The following STAG3 variants were observed in gnomAD, a reference collection of about 807,000 sequenced individuals.
STAG3 encodes STAG3 cohesin complex component, also known as cohesin subunit SA-3.
STAG3 carries 101 observed loss-of-function variants against 160.7 expected under a neutral mutation model. The observed-to-expected ratio is 0.63, with a 90% confidence interval of 0.54 to 0.74. The LOEUF (loss-of-function observed/expected upper bound fraction) is 0.74, where lower values mean the gene tolerates loss of function less well. Ranked by LOEUF, STAG3 falls within the 30% of genes least tolerant of loss-of-function variation. The probability of loss-of-function intolerance (pLI) is 0.00; values close to 1 mark genes in which losing one functional copy is unlikely to be tolerated. For missense variants in STAG3, 1,188 were observed against 1,517.4 expected (o/e 0.78, Z 3.61); for synonymous variants, 519 against 585.0 (o/e 0.89, Z 1.63).
chr7:100,205,181 A>C (rs1453355846), intron 28 of STAG3, 46 bp from the exon 29 acceptor site: 11 of 1,613,322 alleles, frequency 6.8e-6, no homozygotes, highest in Non-Finnish European at 9.3e-6. Flanking sequence ...GGGCCTGCTG[A>C]GGGCCCAGTA....
chr7:100,203,948 A>T, intron 25 of STAG3, 73 bp from the exon 26 acceptor site: 1 of 953,604 alleles, frequency 1.0e-6, no homozygotes, highest in Non-Finnish European at 1.7e-6. Flanking sequence ...AGACATGATT[A>T]GGGATGTGAA....
intron 21 of STAG3, 87 bp from the exon 22 acceptor site, chr7:100,201,699 T>C: frequency 8.8e-7 from 1 of 1,141,830 alleles, no homozygotes; most frequent in South Asian, 1.3e-5. Flanking sequence ...TTACTCATTT[T>C]CTCTCCTCTT....
chr7:100,214,020 A>C lies in STAG3; in HGVS notation c.*5A>C, dbSNP rs373835419. ...TTCTCATTATAGGATTTCTGACAGG[A>C]CTCTGGGCCCCTCCCCAGCTCCACT... On this transcript the variant is annotated 3_prime_UTR_variant, in exon 34 of 34. Coordinates refer to ENST00000615138, the MANE Select transcript of STAG3 (RefSeq NM_001282717.2). 14 of 1,613,646 alleles carry C rather than the reference A, an allele frequency of 8.7e-6. No individual in the cohort carries two copies. In the African/African-American group the frequency reaches 1.9e-4, roughly 22 times the overall value.
At chr7:100,216,287 T>C (rs1045936554), downstream of STAG3, among the ~76,000 whole-genome samples, 6 of 152,044 alleles carry the variant, frequency 3.9e-5, no homozygotes, top group Admixed American at 3.9e-4. Flanking sequence ...TTTTGGACAT[T>C]TGTATCAGTT....
chr7:100,216,186 C>T (rs1802734156), downstream of STAG3, among the ~76,000 whole-genome samples: 1 of 152,148 alleles, frequency 6.6e-6, no homozygotes, highest in Non-Finnish European at 1.5e-5. Flanking sequence ...AGCCCATGAG[C>T]ATAGTAAGAT....
At chr7:100,208,765 C>G (rs549104877) in intron 29 of STAG3, among the ~76,000 whole-genome samples, 13 of 152,218 alleles carry the variant, frequency 8.5e-5, no homozygotes, top group Non-Finnish European at 1.2e-4. Context: ...ACATCTCTTT[C>G]TTTAGAGAGT....
At chr7:100,182,010 CAG>C in intron 2 of STAG3, 78 bp from the exon 3 acceptor site, 1 of 1,026,026 alleles carries the variant, frequency 9.7e-7, no homozygotes, top group Non-Finnish European at 1.5e-6. Flanking sequence ...CGGTGAGAGA[CAG>C]AGAAACCATA....
rs1314524763 is a variant in STAG3 at position 100,200,016 on chromosome 7, A to G, written c.1678-220A>G. ...GGGAGGTGGAGCTTGCAGTGAGCCA[A>G]GATCACGCCACTGCACTCCAGCCTG... On this transcript the variant is annotated intron_variant, in intron 16 of 33. Coordinates refer to ENST00000615138, the MANE Select transcript of STAG3 (RefSeq NM_001282717.2). 52 of 477,338 alleles carry G rather than the reference A, an allele frequency of 1.1e-4. 1 individual carries two copies. The South Asian group carries it at 1.4e-3, about 13-fold the overall frequency. The allele number at this position is 477,338 out of a possible 1,614,324, so 29.6% of individuals were successfully genotyped here.
At chr7:100,215,205 C>T (rs1646734523), downstream of STAG3, 1 of 152,210 alleles carries the variant, frequency 6.6e-6, no homozygotes, top group African/African-American at 2.4e-5. Context: ...TCATGGGCAC[C>T]TGCTTTAGTG....
chr7:100,217,059 C>T (rs1802819153), downstream of STAG3, among the ~76,000 whole-genome samples: 1 of 151,230 alleles, frequency 6.6e-6, no homozygotes, highest in African/African-American at 2.5e-5. Flanking sequence ...GGGGGTTTGC[C>T]TCTCTTCCCT....
intron 2 of STAG3, 52 bp downstream of exon 2, chr7:100,180,724 C>T (rs1338096979): frequency 7.0e-6 from 8 of 1,143,038 alleles, no homozygotes; most frequent in Non-Finnish European, 1.1e-5. Flanking sequence ...GGCAGCCTTC[C>T]CCCTCGTTTT....
At chr7:100,206,932 C>T (rs1801708098) in intron 29 of STAG3, among the ~76,000 whole-genome samples, 1 of 152,194 alleles carries the variant, frequency 6.6e-6, no homozygotes, top group Non-Finnish European at 1.5e-5. Flanking sequence ...TAATATAATT[C>T]CTATCTCTTG....
intron 8 of STAG3, among the ~76,000 whole-genome samples, chr7:100,190,530 T>G (rs1800287089): frequency 6.6e-6 from 1 of 152,250 alleles, no homozygotes; most frequent in Non-Finnish European, 1.5e-5. Flanking sequence ...TTATGTACAC[T>G]AGTGCGAATC....
At chr7:100,196,527 C>T (rs1271765983) in intron 9 of STAG3, among the ~76,000 whole-genome samples, 1 of 152,152 alleles carries the variant, frequency 6.6e-6, no homozygotes, top group African/African-American at 2.4e-5. Context: ...TGCAGTGGCT[C>T]ACACCTGTAA....
rs561401380 is a variant in STAG3 at position 100,200,394 on chromosome 7, G to A, written c.1771-59G>A. 3 of 1,612,578 alleles carry A rather than the reference G, an allele frequency of 1.9e-6. No homozygotes were observed. In the East Asian group the frequency reaches 6.7e-5, roughly 36 times the overall value. On this transcript the variant is annotated intron_variant, in intron 17 of 33. Coordinates refer to ENST00000615138, the MANE Select transcript of STAG3 (RefSeq NM_001282717.2). Reference sequence around the variant, plus strand: ...GAAAGGAAATGGCCTCTGTGGGGGTGGGAGTAGGAATTAGCAATGTGTCAG... The same window carrying A: ...GAAAGGAAATGGCCTCTGTGGGGGTAGGAGTAGGAATTAGCAATGTGTCAG...
intron 3 of STAG3, among the ~76,000 whole-genome samples, 168 bp from the exon 4 acceptor site, chr7:100,182,555 T>C (rs1378234685): frequency 2.0e-5 from 3 of 152,004 alleles, no homozygotes; most frequent in Admixed American, 6.6e-5. Flanking sequence ...AAAAATAAAC[T>C]TCATAACAAT....
Position 100,189,575 on chromosome 7 carries a change from C to G in STAG3, c.846C>G (p.Ser282Arg). The G allele has an allele frequency of 2.5e-6, 4 of 1,613,576 alleles. No individual in the cohort carries two copies. The highest frequency in any genetic ancestry group is 3.4e-6 in the Non-Finnish European group (4 of 1,179,816). ...AGAGGGCACCTGAGCGGCTGGAGAG[C>G]CTGTTGGAGAAACGCAAAGAGGTGA... ...PGQRAPERLE[S>R]LLEKRKELQE... The change falls in exon 8 of 34, where the codon AGC becomes AGG. Residue 282 changes from serine to arginine, a missense_variant. Physicochemically the swap from Ser to Arg is moderately radical, Grantham distance 110. This residue lies in a region of STAG3 where 296 missense variants were observed against 404.0 expected (regional missense o/e 0.73). Coordinates refer to ENST00000615138, the MANE Select transcript of STAG3 (RefSeq NM_001282717.2).
At chr7:100,211,905 C>T (rs773475273) in intron 32 of STAG3, 29 bp downstream of exon 32, 5 of 1,606,054 alleles carry the variant, frequency 3.1e-6, no homozygotes, top group Non-Finnish European at 4.3e-6. Flanking sequence ...CCTTCTCTCT[C>T]AAGAACTAGG....
intron 5 of STAG3, among the ~76,000 whole-genome samples, chr7:100,186,800 G>A (rs1800030900): frequency 6.6e-6 from 1 of 152,182 alleles, no homozygotes; most frequent in Non-Finnish European, 1.5e-5. Context: ...GGAAAAAGAA[G>A]TAATCACGCT....
Sources: allele counts gnomAD v4.1 joint callset (sites outside exome capture counted in the v4.1 genomes callset), GRCh38; gene constraint gnomAD v4.1.1; regional missense constraint gnomAD v4.1.1; transcripts MANE v1.5; gene names NCBI Gene and HGNC (gene_info 2026-07-23, HGNC 2026-07-21).